FAT4: variants seen among roughly 807,000 people sequenced by gnomAD.
FAT4 encodes FAT atypical cadherin 4.
Under a neutral mutation model 303.9 loss-of-function variants are expected in FAT4, and 84 were observed. That is an observed-to-expected ratio of 0.28 (90% CI 0.23 to 0.33). FAT4 has a LOEUF of 0.33. Among genes scored for constraint, FAT4 ranks in the 10% least tolerant of loss-of-function variants. The pLI is 1.00. For missense variants in FAT4, 6,005 were observed against 6,146.8 expected (o/e 0.98, Z 0.77); for synonymous variants, 2,307 against 2,298.8 (o/e 1.00, Z -0.10).
In FAT4 at chr4:125,321,422, C is replaced by T. The variant is rs373116363; in HGVS notation, c.5011C>T (p.Arg1671Cys). The T allele has an allele frequency of 8.7e-6, 14 of 1,613,932 alleles. No homozygotes were observed. The highest frequency in any genetic ancestry group is 6.7e-5 in the African/African-American group (5 of 74,898). The change falls in exon 2 of 18, where the codon CGT becomes TGT. Residue 1671 changes from arginine to cysteine, a missense_variant. Coordinates refer to ENST00000394329, the MANE Select transcript of FAT4 (RefSeq NM_001291303.3). ...APVEYYIVSVRCEEKTVGRLF... is the reference protein window; with the variant it reads ...APVEYYIVSVCCEEKTVGRLF... ...AGTGGAGTATTATATTGTTTCAGTT[C>T]GTTGTGAAGAAAAAACTGTTGGACG...
At chr4:125,349,533 C>T (rs1382059203) in intron 2 of FAT4, among the ~76,000 whole-genome samples, 1 of 151,612 alleles carries the variant, frequency 6.6e-6, no homozygotes. Context: ...GGAAAAGCAC[C>T]ATGCACCTGA....
intron 2 of FAT4, among the ~76,000 whole-genome samples, chr4:125,396,784 GCATT>G (rs1162951771): frequency 5.3e-5 from 8 of 152,024 alleles, no homozygotes; most frequent in Non-Finnish European, 1.0e-4. Context: ...GAATTATGAT[GCATT>G]CAGTTACCTT....
rs1726045138 is a variant in FAT4 at position 125,451,032 on chromosome 4, G to A, written c.10022G>A (p.Gly3341Asp). 1.2e-6 allele frequency: 2 copies of A among 1,613,882 alleles called. No homozygotes were observed. Among genetic ancestry groups the A allele is most frequent in the South Asian group, 1.1e-5 (1 of 91,078 alleles). ...GGGGAGGTACACTATTTGATTTTTG[G>A]TAATAGTCGAAAGAAGGGTTTCCAG... Reference protein sequence around the residue: ...TDGEVHYLIFGNSRKKGFQIN... With the variant: ...TDGEVHYLIFDNSRKKGFQIN... The change falls in exon 10 of 18, where the codon GGT becomes GAT. Residue 3341 changes from glycine to aspartate, a missense_variant. Transcript: ENST00000394329.
chr4:125,340,945 A>T (rs2125968036), intron 2 of FAT4, among the ~76,000 whole-genome samples: 1 of 152,356 alleles, frequency 6.6e-6, no homozygotes, highest in South Asian at 2.1e-4. Flanking sequence ...ACTTAAGTAA[A>T]AATGTACACT....
Position 125,406,972 on chromosome 4 carries a change from G to A in FAT4, c.5400G>A (p.Arg1800=). 6.2e-7 allele frequency: 1 copy of A among 1,613,848 alleles called. No individual in the cohort carries two copies. Among genetic ancestry groups the A allele is most frequent in the Non-Finnish European group, 8.5e-7 (1 of 1,179,872 alleles). ...AATCCGGAGATCTGATAGCAACCAG[G>A]CGGTTGGACAGGGAACGCCGCTCCA... ...DPESGDLIAT[R]RLDRERRSKY... The change falls in exon 4 of 18, where the codon AGG becomes AGA. Residue 1800 remains arginine (R), a synonymous_variant. Coordinates refer to ENST00000394329, the MANE Select transcript of FAT4 (RefSeq NM_001291303.3).
chr4:125,484,829 A>G (rs1560635691), intron 16 of FAT4, among the ~76,000 whole-genome samples: 2 of 152,060 alleles, frequency 1.3e-5, no homozygotes, highest in Non-Finnish European at 2.9e-5. Flanking sequence ...TACAGTAAAA[A>G]GGCTGCATTG....
chr4:125,376,229 ATAAAT>A (rs1176351217), intron 2 of FAT4, among the ~76,000 whole-genome samples: 2 of 152,390 alleles, frequency 1.3e-5, no homozygotes, highest in Non-Finnish European at 2.9e-5. Context: ...TTTAAAACAA[ATAAAT>A]TAAATTGACA....
intron 2 of FAT4, among the ~76,000 whole-genome samples, chr4:125,352,964 T>A (rs902103566): frequency 1.3e-5 from 2 of 151,804 alleles, no homozygotes; most frequent in Admixed American, 1.3e-4. Flanking sequence ...AGGACCTTGA[T>A]GAATGTGTTT....
chr4:125,409,381 C>T (rs1002796267), intron 5 of FAT4, among the ~76,000 whole-genome samples: 11 of 151,986 alleles, frequency 7.2e-5, no homozygotes, highest in East Asian at 1.9e-4. Flanking sequence ...CTCAGCCTCC[C>T]GAGTAGCTAG....
intron 2 of FAT4, among the ~76,000 whole-genome samples, chr4:125,363,324 G>A (rs1287075563): frequency 4.0e-5 from 6 of 151,608 alleles, no homozygotes; most frequent in Admixed American, 6.6e-5. Flanking sequence ...AATATATGTA[G>A]CCACTTTTTA....
At chr4:125,356,554 T>G (rs1187055269) in intron 2 of FAT4, among the ~76,000 whole-genome samples, 15 of 148,326 alleles carry the variant, frequency 1.0e-4, no homozygotes, top group South Asian at 2.1e-4. Flanking sequence ...TTTTTGTTTT[T>G]TTTTTTTTTT....
chr4:125,482,765 G>T (rs929063527), intron 16 of FAT4, among the ~76,000 whole-genome samples: 2 of 152,068 alleles, frequency 1.3e-5, no homozygotes, highest in African/African-American at 4.8e-5. Flanking sequence ...AAAAATAGAT[G>T]TTCACTTCTA....
chr4:125,451,416 A>C lies in FAT4; in HGVS notation c.10406A>C (p.Glu3469Ala). 6.2e-7 allele frequency: 1 copy of C among 1,614,134 alleles called. No individual in the cohort carries two copies. Among genetic ancestry groups the C allele is most frequent in the Non-Finnish European group, 8.5e-7 (1 of 1,180,004 alleles). The change falls in exon 10 of 18, where the codon GAA (glutamate) becomes GCA (alanine). Residue 3469 changes from glutamate to alanine, a missense_variant. By Grantham distance (107) the Glu-to-Ala change is moderately radical (BLOSUM62 -1). Coordinates refer to ENST00000394329, the MANE Select transcript of FAT4 (RefSeq NM_001291303.3). The part of the protein sequence containing the change: ...PQTGQITVTA[E>A]LDRETLPIYN... Reference sequence around the variant, plus strand: ...ACAGGACAGATCACCGTTACTGCAGAATTAGATCGAGAAACCCTTCCCATC... The same window carrying C: ...ACAGGACAGATCACCGTTACTGCAGCATTAGATCGAGAAACCCTTCCCATC...
intron 2 of FAT4, among the ~76,000 whole-genome samples, chr4:125,388,184 C>G (rs922152631): frequency 4.8e-4 from 73 of 152,178 alleles, no homozygotes; most frequent in African/African-American, 1.7e-3. Context: ...GCCCATTGTC[C>G]AATCCAAATA....
intron 3 of FAT4, among the ~76,000 whole-genome samples, chr4:125,406,636 G>A (rs1386899197): frequency 6.6e-6 from 1 of 152,102 alleles, no homozygotes; most frequent in Non-Finnish European, 1.5e-5. Flanking sequence ...AACTTGGGAT[G>A]TCTTTCCATT....
intron 7 of FAT4, among the ~76,000 whole-genome samples, chr4:125,431,475 G>C (rs1242549852): frequency 2.6e-5 from 4 of 152,160 alleles, no homozygotes; most frequent in African/African-American, 9.7e-5. Context: ...AGAATCCTGA[G>C]AGCTGTAATA....
Position 125,355,575 on chromosome 4 carries a change from A to G in FAT4, c.5175+33989A>G, listed in dbSNP as rs183039601. On this transcript the variant is annotated intron_variant, in intron 2 of 17. Transcript: ENST00000394329. ...CGCTTTCTTATCTGTGAATGAGGAA[A>G]CACCTATGTTTGGGGTTTTGTAAAG... 2.5e-3 allele frequency among the ~76,000 whole-genome samples: 380 copies of G among 152,166 alleles called. 4 individuals are homozygous for G. The highest frequency in any genetic ancestry group is 8.1e-3 in the Admixed American group (123 of 15,224).
In FAT4 at chr4:125,392,342, A is replaced by G. The variant is rs529292932; in HGVS notation, c.5176-6442A>G. On this transcript the variant is annotated intron_variant, in intron 2 of 17. Transcript: ENST00000394329. ...TCAGTTCCACAAATCCAAAAAGTCA[A>G]TAAAGTAAATAATTATTTTTGCCAC... Among the ~76,000 whole-genome samples the G allele has an allele frequency of 4.4e-4, 67 of 152,288 alleles. 1 individual carries two copies. The highest frequency in any genetic ancestry group is 3.4e-3 in the Middle Eastern group (1 of 294).
At position 125,319,398 on chromosome 4, in the gene FAT4, T is replaced by C. The variant is rs1389256286; in HGVS notation, c.2987T>C (p.Phe996Ser). 6.2e-7 allele frequency: 1 copy of C among 1,613,498 alleles called. No individual in the cohort carries two copies. The highest frequency in any genetic ancestry group is 1.1e-5 in the South Asian group (1 of 91,080). ...VHDVNDNSPV[F>S]DQLSYEVTLS... Reference sequence around the variant, plus strand: ...GATGTAAATGACAATTCACCAGTGTTTGACCAACTCTCTTATGAAGTCACC... The same window carrying C: ...GATGTAAATGACAATTCACCAGTGTCTGACCAACTCTCTTATGAAGTCACC... Residue 996 changes from phenylalanine (F) to serine (S), a missense_variant, in exon 2 of 18, where the codon TTT becomes TCT. Coordinates refer to ENST00000394329, the MANE Select transcript of FAT4 (RefSeq NM_001291303.3).
Sources: allele counts gnomAD v4.1 joint callset (sites outside exome capture counted in the v4.1 genomes callset), GRCh38; gene constraint gnomAD v4.1.1; transcripts MANE v1.5; gene names NCBI Gene and HGNC (gene_info 2026-07-23, HGNC 2026-07-21).